Variants in MAGI2 observed in about 807,000 individuals in gnomAD.
MAGI2 encodes membrane associated guanylate kinase, WW and PDZ domain containing 2, also known as membrane-associated guanylate kinase, WW and PDZ domain-containing protein 2.
A neutral mutation model predicts 133.3 loss-of-function variants in MAGI2; 35 were observed. The observed-to-expected ratio is 0.26, with a 90% confidence interval of 0.20 to 0.35. The LOEUF (loss-of-function observed/expected upper bound fraction) is 0.35. Among genes scored for constraint, MAGI2 ranks in the 10% least tolerant of loss-of-function variants. MAGI2 has a pLI of 1.00. For synonymous variants in MAGI2, 729 were observed against 710.6 expected (o/e 1.03, Z -0.41); for missense variants, 1,636 against 1,863.4 (o/e 0.88, Z 2.25).
intron 4 of MAGI2, among the ~76,000 whole-genome samples, chr7:78,509,080 A>C (rs543591602): frequency 6.6e-6 from 1 of 152,134 alleles, no homozygotes; most frequent in East Asian, 1.9e-4. Flanking sequence ...TTTTTTGTGC[A>C]TTCCCCATTG....
chr7:78,951,494 C>T (rs772902633), intron 2 of MAGI2, among the ~76,000 whole-genome samples: 9 of 152,154 alleles, frequency 5.9e-5, no homozygotes, highest in South Asian at 2.1e-4. Flanking sequence ...AAATGCCAGA[C>T]GCTTATAAAA....
At chr7:78,430,125 T>A (rs964443562) in intron 6 of MAGI2, among the ~76,000 whole-genome samples, 13 of 152,038 alleles carry the variant, frequency 8.6e-5, no homozygotes, top group Admixed American at 8.5e-4. Flanking sequence ...CATTCTGGGG[T>A]GAGGCCTGAG....
At chr7:79,164,771 G>A (rs1240248606) in intron 1 of MAGI2, among the ~76,000 whole-genome samples, 2 of 151,980 alleles carry the variant, frequency 1.3e-5, no homozygotes, top group African/African-American at 2.4e-5. Context: ...GTATTTGATT[G>A]ATGTCTCATG....
chr7:79,108,804 G>A (rs934988815), intron 1 of MAGI2, among the ~76,000 whole-genome samples: 1 of 152,180 alleles, frequency 6.6e-6, no homozygotes, highest in African/African-American at 2.4e-5. Flanking sequence ...GATCATAGGG[G>A]TGGATCCCTT....
chr7:79,347,822 T>A (rs1349931212), intron 1 of MAGI2, among the ~76,000 whole-genome samples: 6 of 151,998 alleles, frequency 3.9e-5, no homozygotes, highest in Non-Finnish European at 7.4e-5. Flanking sequence ...TATAGCTTTG[T>A]GTGTATGGCC....
intron 1 of MAGI2, among the ~76,000 whole-genome samples, chr7:79,213,325 TAC>T (rs146529788): frequency 0.057 from 8,231 of 145,278 alleles, 578 homozygotes; most frequent in African/African-American, 0.17. Context: ...CGTACACACG[TAC>T]ACACACACAC....
intron 1 of MAGI2, among the ~76,000 whole-genome samples, chr7:79,424,430 G>A (rs536727002): frequency 6.6e-6 from 1 of 151,762 alleles, no homozygotes; most frequent in African/African-American, 2.4e-5. Flanking sequence ...GGGGAGGTTG[G>A]GAAGATGGTC....
chr7:79,427,897 G>C (rs962139747), intron 1 of MAGI2, among the ~76,000 whole-genome samples: 2 of 152,086 alleles, frequency 1.3e-5, no homozygotes, highest in Non-Finnish European at 2.9e-5. Context: ...TAGGGCAAAT[G>C]AAGGGACACA....
intron 1 of MAGI2, among the ~76,000 whole-genome samples, chr7:79,040,523 A>G (rs1198150361): frequency 6.6e-6 from 1 of 152,126 alleles, no homozygotes; most frequent in East Asian, 1.9e-4. Flanking sequence ...AGTTAGATAG[A>G]AGGAAACAGT....
chr7:79,254,774 A>C (rs1237728673), intron 1 of MAGI2, among the ~76,000 whole-genome samples: 1 of 152,214 alleles, frequency 6.6e-6, no homozygotes, highest in Non-Finnish European at 1.5e-5. Context: ...AGTAGAACTG[A>C]ACTCGCTCAA....
rs147038358 is a variant in MAGI2 at position 79,405,283 on chromosome 7, G to A, written c.301+47737C>T. ...AGCCATGCAAATGTTAGGGGTTAGC[G>A]TGAAGGAGGCCAAAGGGTTTAGCTG... On this transcript the variant is annotated intron_variant, in intron 1 of 21. Transcript: ENST00000354212. Among the ~76,000 whole-genome samples the A allele has an allele frequency of 9.9e-5, 15 of 152,224 alleles. No homozygotes were observed. In the South Asian group the frequency reaches 1.7e-3, roughly 17 times the overall value.
At chr7:78,786,666 G>A (rs889687909) in intron 2 of MAGI2, among the ~76,000 whole-genome samples, 2 of 152,138 alleles carry the variant, frequency 1.3e-5, no homozygotes, top group African/African-American at 4.8e-5. Context: ...TACCTTCCTT[G>A]TTCTTTACCT....
At chr7:78,352,162 A>G (rs1791587154) in intron 7 of MAGI2, among the ~76,000 whole-genome samples, 1 of 152,182 alleles carries the variant, frequency 6.6e-6, no homozygotes, top group Non-Finnish European at 1.5e-5. Flanking sequence ...TTATTTCCCA[A>G]AGTCTCTTGA....
At chr7:79,073,621 G>A (rs1815195644) in intron 1 of MAGI2, among the ~76,000 whole-genome samples, 1 of 151,776 alleles carries the variant, frequency 6.6e-6, no homozygotes, top group Non-Finnish European at 1.5e-5. Context: ...CTCCTCTCAA[G>A]TTCATTTTGC....
intron 1 of MAGI2, among the ~76,000 whole-genome samples, chr7:79,214,765 T>A (rs10235007): frequency 7.1e-6 from 1 of 141,090 alleles, no homozygotes; most frequent in Non-Finnish European, 1.5e-5. Flanking sequence ...ATATGATATA[T>A]AAATAGATAA....
intron 20 of MAGI2, among the ~76,000 whole-genome samples, chr7:78,086,998 T>G (rs529327732): frequency 7.5e-4 from 114 of 152,300 alleles, no homozygotes; most frequent in African/African-American, 2.7e-3. Context: ...GTGCTGTTCT[T>G]TTTGCTAGAA....
chr7:79,391,021 C>A (rs1222120222), intron 1 of MAGI2, among the ~76,000 whole-genome samples: 1 of 152,082 alleles, frequency 6.6e-6, no homozygotes, highest in African/African-American at 2.4e-5. Flanking sequence ...GCGTGGAACT[C>A]AATACACGAA....
chr7:78,070,924 C>T (rs1156683635), intron 21 of MAGI2, among the ~76,000 whole-genome samples: 2 of 151,972 alleles, frequency 1.3e-5, no homozygotes, highest in Admixed American at 6.6e-5. Context: ...CCACTCACCT[C>T]GGCCTCCCAA....
chr7:78,179,358 T>G (rs1221582094), intron 13 of MAGI2, among the ~76,000 whole-genome samples: 1 of 152,198 alleles, frequency 6.6e-6, no homozygotes, highest in Non-Finnish European at 1.5e-5. Flanking sequence ...AGAGGCTCAT[T>G]GAATGCTGGC....
Sources: allele counts gnomAD v4.1 joint callset (sites outside exome capture counted in the v4.1 genomes callset), GRCh38; gene constraint gnomAD v4.1.1; transcripts MANE v1.5; gene names NCBI Gene and HGNC (gene_info 2026-07-23, HGNC 2026-07-21).